The following MED13 variants were observed in gnomAD, a reference collection of about 807,000 sequenced individuals.
MED13 encodes the protein mediator complex subunit 13, also known as mediator of RNA polymerase II transcription subunit 13.
Under a neutral mutation model 225.2 loss-of-function variants are expected in MED13, and 23 were observed. The ratio of observed to expected loss-of-function variants is 0.10; its 90% CI spans 0.07 to 0.14. MED13 has a LOEUF of 0.14. Among genes scored for constraint, MED13 ranks in the 10% least tolerant of loss-of-function variants. MED13 has a pLI of 1.00. For synonymous variants in MED13, 942 were observed against 889.2 expected, an observed-to-expected ratio of 1.06 and a Z score of -1.06; for missense variants, 2,197 against 2,594.5, an observed-to-expected ratio of 0.85 and a Z score of 3.33.
At chr17:62,019,738 CTTTT>C (rs1315308147) in intron 8 of MED13, among the ~76,000 whole-genome samples, 1 of 150,394 alleles carries the variant, frequency 6.6e-6, no homozygotes, top group Non-Finnish European at 1.5e-5. Context: ...AATTGAATTT[CTTTT>C]TTTCTTTTTT....
At chr17:62,016,271 C>G (rs1053549112) in intron 8 of MED13, among the ~76,000 whole-genome samples, 1 of 151,436 alleles carries the variant, frequency 6.6e-6, no homozygotes, top group Non-Finnish European at 1.5e-5. Context: ...AACACAGTGC[C>G]GCGATTAGCG....
At chr17:62,009,898 C>T (rs2080489576) in intron 9 of MED13, among the ~76,000 whole-genome samples, 1 of 152,100 alleles carries the variant, frequency 6.6e-6, no homozygotes, top group South Asian at 2.1e-4. Context: ...ACTAGAGCTA[C>T]ACGTATAAAA....
At chr17:61,959,711 C>G (rs963607179) in intron 23 of MED13, among the ~76,000 whole-genome samples, 1 of 148,700 alleles carries the variant, frequency 6.7e-6, no homozygotes, top group Non-Finnish European at 1.5e-5. Context: ...AGAAAATAAA[C>G]GATAGAACCC....
chr17:61,970,726 G>T (rs1603394051), intron 17 of MED13, among the ~76,000 whole-genome samples: 5 of 109,568 alleles, frequency 4.6e-5, no homozygotes, highest in South Asian at 5.9e-4. Context: ...AGTTATTTAG[G>T]TTTTTTTTTT....
chr17:62,035,005 C>T (rs767186046), intron 4 of MED13, among the ~76,000 whole-genome samples: 3 of 152,012 alleles, frequency 2.0e-5, no homozygotes, highest in Non-Finnish European at 4.4e-5. Flanking sequence ...CCTGTAACCC[C>T]AGCTACTCAG....
At position 61,945,791 on chromosome 17, in the gene MED13, T is replaced by G. The variant is rs566957118; in HGVS notation, c.*677A>C. 1 of 152,664 alleles carries G rather than the reference T, an allele frequency of 6.6e-6. No homozygotes were observed. Among genetic ancestry groups the G allele is most frequent in the African/African-American group, 2.4e-5 (1 of 41,522 alleles). 9.5% of individuals were successfully genotyped at this position (152,664 alleles called of 1,614,324 possible). A position where few individuals can be genotyped will look rare whatever the true frequency, so the allele number is the denominator to read the frequency against. ...ACAATGGTATGGACATTATTCCCCC[T>G]CTATCCCCGTTAAACTGTACATCGA... On this transcript the variant is annotated 3_prime_UTR_variant, in exon 30 of 30. Coordinates refer to ENST00000397786, the MANE Select transcript of MED13 (RefSeq NM_005121.3).
At chr17:62,044,755 C>A (rs902615168) in intron 3 of MED13, among the ~76,000 whole-genome samples, 4 of 152,154 alleles carry the variant, frequency 2.6e-5, no homozygotes, top group African/African-American at 4.8e-5. Flanking sequence ...CTCCACCTCC[C>A]GGGTTAAGTG....
chr17:62,053,218 T>C (rs73336453), intron 2 of MED13, among the ~76,000 whole-genome samples: 1 of 152,200 alleles, frequency 6.6e-6, no homozygotes, highest in Non-Finnish European at 1.5e-5. Flanking sequence ...AAGGAAGCTG[T>C]TGGCACAGAG....
chr17:62,049,063 T>C (rs1329447282), intron 3 of MED13, among the ~76,000 whole-genome samples: 1 of 42,850 alleles, frequency 2.3e-5, no homozygotes, highest in Admixed American at 2.5e-4. Context: ...GGCACCACCA[T>C]AACAGTAAAT....
intron 5 of MED13, 91 bp from the exon 6 acceptor site, chr17:62,031,729 A>T: frequency 1.5e-6 from 1 of 686,686 alleles, no homozygotes; most frequent in Non-Finnish European, 2.2e-6. Context: ...AAAAGTAGGT[A>T]TCACATTTAT....
chr17:61,952,893 C>T, intron 27 of MED13, 72 bp downstream of exon 27: 1 of 1,524,010 alleles, frequency 6.6e-7, no homozygotes, highest in East Asian at 2.3e-5. Flanking sequence ...CTTCGCCCTC[C>T]CAAAGTGCTG....
In MED13 at chr17:62,029,951, C is replaced by A; in HGVS notation, c.1072G>T (p.Asp358Tyr). The A allele has an allele frequency of 6.2e-7, 1 of 1,613,802 alleles. No individual in the cohort carries two copies. Among genetic ancestry groups the A allele is most frequent in the Non-Finnish European group, 8.5e-7 (1 of 1,179,944 alleles). The stretch of plus-strand genomic sequence containing the variant: ...TTCCCACCATGGTGGCTAGTACTAT[C>A]GGAGTTGAAGCCATCAGATACTGAA... The part of the protein sequence containing the change: ...FSSVSDGFNS[D>Y]STSHHGGKIP... The change falls in exon 7 of 30, where the codon GAT becomes TAT. Residue 358 changes from aspartate to tyrosine, a missense_variant. This residue lies in a region of MED13 where 884 missense variants were observed against 918.5 expected (regional missense o/e 0.96). Coordinates refer to ENST00000397786, the MANE Select transcript of MED13 (RefSeq NM_005121.3).
rs1409755695 is a variant in MED13 at position 61,965,137 on chromosome 17, G to A, written c.4713C>T (p.Ser1571=). The A allele has an allele frequency of 6.2e-7, 1 of 1,614,102 alleles. No individual in the cohort carries two copies. Among genetic ancestry groups the A allele is most frequent in the East Asian group, 2.2e-5 (1 of 44,882 alleles). Residue 1571 remains serine (S), a synonymous_variant, in exon 20 of 30, where the codon TCC becomes TCT. Coordinates refer to ENST00000397786, the MANE Select transcript of MED13 (RefSeq NM_005121.3). ...FGSMNSNAAG[S]MSTQANTVQS... is the part of the protein sequence containing the mutation. The stretch of plus-strand genomic sequence containing the variant: ...GAACTGTATTTGCTTGTGTAGACAT[G>A]GATCCTGCAGCATTACTGTTCATAC...
intron 11 of MED13, among the ~76,000 whole-genome samples, chr17:61,987,571 G>A (rs1224496853): frequency 1.3e-5 from 2 of 152,078 alleles, no homozygotes; most frequent in Non-Finnish European, 2.9e-5. Context: ...TTAAAATCGA[G>A]AAAGTGTTTT....
intron 21 of MED13, among the ~76,000 whole-genome samples, chr17:61,962,523 T>C (rs1174769187): frequency 6.6e-6 from 1 of 152,180 alleles, no homozygotes; most frequent in African/African-American, 2.4e-5. Flanking sequence ...GGAGAAACAT[T>C]TAATGTACTT....
rs79769918 is a variant in MED13 at position 61,956,500 on chromosome 17, G to C, written c.5481-19C>G. The C allele has an allele frequency of 8.1e-5, 129 of 1,588,392 alleles. No homozygotes were observed. The African/African-American group carries it at 1.4e-3, about 18-fold the overall frequency. The stretch of plus-strand genomic sequence containing the variant: ...ACGAGCCCTATTGTGTGAATAAAGA[G>C]AGTGTCATAAATATTTCTAAAATTT... On this transcript the variant is annotated intron_variant, in intron 23 of 29. Coordinates refer to ENST00000397786, the MANE Select transcript of MED13 (RefSeq NM_005121.3).
At chr17:61,956,304 C>CG in intron 24 of MED13, 35 bp downstream of exon 24, 1 of 1,581,318 alleles carries the variant, frequency 6.3e-7, no homozygotes, top group South Asian at 1.2e-5. Flanking sequence ...TTACATAAAA[C>CG]GGAAATATAA....
rs1028813521 is a variant in MED13, at chr17:61,966,570, T to G, written c.4273A>C (p.Lys1425Gln). 6.2e-7 allele frequency: 1 copy of G among 1,613,880 alleles called. No individual in the cohort carries two copies. The highest frequency in any genetic ancestry group is 1.3e-5 in the African/African-American group (1 of 74,934). The change falls in exon 19 of 30, where the codon AAA (lysine) becomes CAA (glutamine). Residue 1425 changes from lysine (K) to glutamine (Q), a missense_variant. Lys to Gln is a moderately conservative substitution (Grantham distance 53). Around this residue, in one of 12 missense-constraint regions of MED13, gnomAD observed 457 missense variants for 442.2 expected, o/e 1.03. Transcript: ENST00000397786. ...TCTGCTACCAACTTTTCTGATAGTT[T>G]CTTTGATGCAGTAGATCCAACTCTC... ...IMRVGSTASKKLSEKLVAEWF... is the reference protein window; with the variant it reads ...IMRVGSTASKQLSEKLVAEWF...
Position 62,009,859 on chromosome 17 carries a change from G to A in MED13, c.1967+691C>T, listed in dbSNP as rs577499009. Among the ~76,000 whole-genome samples, 52 of 152,152 alleles carry A rather than the reference G, an allele frequency of 3.4e-4. No individual in the cohort carries two copies. In the South Asian group the frequency reaches 0.011, roughly 32 times the overall value. On this transcript the variant is annotated intron_variant, in intron 9 of 29. Transcript: ENST00000397786. ...TAGGTATTTACTATATATTCATAAG[G>A]AAATACCATAAAGCAATTAAAATGA... is the stretch of plus-strand genomic sequence containing the variant.
Sources: allele counts gnomAD v4.1 joint callset (sites outside exome capture counted in the v4.1 genomes callset), GRCh38; gene constraint gnomAD v4.1.1; regional missense constraint gnomAD v4.1.1; transcripts MANE v1.5; gene names NCBI Gene and HGNC (gene_info 2026-07-23, HGNC 2026-07-21).